The following MIER3 variants were observed in gnomAD, a reference collection of about 807,000 sequenced individuals.
MIER3 encodes MIER family member 3.
MIER3 carries 9 observed loss-of-function variants against 63.2 expected under a neutral mutation model. That is an observed-to-expected ratio of 0.14 (90% confidence interval 0.09 to 0.25). MIER3 has a LOEUF of 0.25. MIER3 is among the 10% of genes least tolerant of loss of function. MIER3 has a pLI of 1.00. For missense variants in MIER3, 512 were observed against 666.2 expected, an observed-to-expected ratio of 0.77 and a Z score of 2.55; for synonymous variants, 205 against 224.9, an observed-to-expected ratio of 0.91 and a Z score of 0.79.
At chr5:56,929,636 T>C (rs1750186562) in intron 9 of MIER3, 2 of 152,298 alleles carry the variant, frequency 1.3e-5, no homozygotes, top group South Asian at 4.1e-4. Context: ...AACACATATT[T>C]ATTTGAAATT....
In MIER3 at chr5:56,933,151, A is replaced by G. The variant is rs112879366; in HGVS notation, c.747+96T>C. ...TATTTTAAAACTCTTATCAGAAAAG[A>G]TATCTACCTCACATGTTAAAAATAT... On this transcript the variant is annotated intron_variant, in intron 8 of 12. Coordinates refer to ENST00000381199, the MANE Select transcript of MIER3 (RefSeq NM_001297599.2). 2.3e-3 allele frequency: 2,979 copies of G among 1,285,598 alleles called. 53 individuals carry two copies. In the African/African-American group the frequency reaches 0.037, roughly 16 times the overall value. 79.6% of individuals were successfully genotyped at this position (1,285,598 alleles called of 1,614,324 possible). A position where few individuals can be genotyped will look rare whatever the true frequency, so the allele number is the denominator to read the frequency against.
intron 3 of MIER3, among the ~76,000 whole-genome samples, chr5:56,943,891 T>C (rs1186281907): frequency 6.6e-6 from 1 of 152,182 alleles, no homozygotes; most frequent in Non-Finnish European, 1.5e-5. Flanking sequence ...GTTGAACCTA[T>C]TTACATTTTA....
intron 3 of MIER3, chr5:56,940,988 G>C: frequency 1.0e-6 from 1 of 985,390 alleles, no homozygotes; most frequent in Non-Finnish European, 1.2e-6. Flanking sequence ...ATGGGGAGTG[G>C]CAATTTTCAC....
chr5:56,922,148 C>T lies in MIER3; in HGVS notation c.*980G>A, dbSNP rs910378160. 6.6e-6 allele frequency: 1 copy of T among 152,636 alleles called. No homozygotes were observed. Among genetic ancestry groups the T allele is most frequent in the Non-Finnish European group, 1.5e-5 (1 of 68,050 alleles). The allele number at this position is 152,636 out of a possible 1,614,324, so 9.5% of individuals were successfully genotyped here. ...CTCTAAATATTAACACTTTGAACTG[C>T]AGTGCTACAAACAACTTAAAAGATG... On this transcript the variant is annotated 3_prime_UTR_variant, in exon 13 of 13. Transcript: ENST00000381199.
In MIER3 at chr5:56,922,708, G is replaced by C. The variant is rs1749730117; in HGVS notation, c.*420C>G. On this transcript the variant is annotated 3_prime_UTR_variant, in exon 13 of 13. Transcript: ENST00000381199. Reference sequence around the variant, plus strand: ...TTCCACTGCATCCATTACGGCAAAAGGAATTTACACAAAAACAGGCCACAC... The same window carrying C: ...TTCCACTGCATCCATTACGGCAAAACGAATTTACACAAAAACAGGCCACAC... 1 of 172,570 alleles carries C rather than the reference G, an allele frequency of 5.8e-6. No individual in the cohort carries two copies. The highest frequency in any genetic ancestry group is 1.4e-4 in the South Asian group (1 of 7,012). 10.7% of individuals were successfully genotyped at this position (172,570 alleles called of 1,614,324 possible). A position where few individuals can be genotyped will look rare whatever the true frequency, so the allele number is the denominator to read the frequency against.
intron 5 of MIER3, 31 bp downstream of exon 5, chr5:56,937,547 C>T (rs778678615): frequency 6.3e-7 from 1 of 1,582,462 alleles, no homozygotes; most frequent in South Asian, 1.2e-5. Flanking sequence ...ATCAATGTTA[C>T]TATTTATCAG....
At chr5:56,930,326 G>C (rs1750214941) in intron 9 of MIER3, among the ~76,000 whole-genome samples, 1 of 148,966 alleles carries the variant, frequency 6.7e-6, no homozygotes, top group Non-Finnish European at 1.5e-5. Flanking sequence ...TTCCTGTCTG[G>C]CTGAAAAAAA....
At chr5:56,933,150 G>T in intron 8 of MIER3, 97 bp downstream of exon 8, 1 of 1,280,924 alleles carries the variant, frequency 7.8e-7, no homozygotes, top group African/African-American at 1.5e-5. Flanking sequence ...TATCAGAAAA[G>T]ATATCTACCT....
chr5:56,939,877 T>C (rs1466176634), intron 3 of MIER3, among the ~76,000 whole-genome samples: 12 of 152,242 alleles, frequency 7.9e-5, no homozygotes, highest in Non-Finnish European at 1.6e-4. Context: ...CTACACCATA[T>C]AGCCTAGGTG....
chr5:56,928,873 T>A lies in MIER3; in HGVS notation c.830-12A>T. The A allele has an allele frequency of 6.2e-7, 1 of 1,607,304 alleles. No individual in the cohort carries two copies. The highest frequency in any genetic ancestry group is 8.5e-7 in the Non-Finnish European group (1 of 1,176,822). ...TGCAGTCATTCCTTCTAAGAAAAAT[T>A]TTAAAATAAAATTTATGGGCCCCCA... On this transcript the variant is annotated splice_polypyrimidine_tract_variant and intron_variant, in intron 9 of 12. Coordinates refer to ENST00000381199, the MANE Select transcript of MIER3 (RefSeq NM_001297599.2).
Position 56,937,684 on chromosome 5 carries a change from T to C in MIER3, c.330A>G (p.Lys110=). Residue 110 remains lysine, a synonymous_variant, in exon 5 of 13, where the codon AAA becomes AAG. Coordinates refer to ENST00000381199, the MANE Select transcript of MIER3 (RefSeq NM_001297599.2). The part of the protein sequence containing the change: ...DMTLDKEEIA[K]DLLSGDDEET... ...CCTCGTCATCACCTGACAACAGGTC[T>C]TTTGCTATTTCCTCCTGGAAGAATA... 6.2e-7 allele frequency: 1 copy of C among 1,607,178 alleles called. No homozygotes were observed. The highest frequency in any genetic ancestry group is 8.5e-7 in the Non-Finnish European group (1 of 1,176,426).
chr5:56,928,604 G>A, intron 10 of MIER3, 163 bp downstream of exon 10: 1 of 512,576 alleles, frequency 2.0e-6, no homozygotes, highest in South Asian at 3.4e-5. Context: ...TCCATAAGCA[G>A]GCTGTGGCAT....
chr5:56,920,778 A>C lies in MIER3; in HGVS notation c.*2350T>G, dbSNP rs1327521593. Reference sequence around the variant, plus strand: ...GGCAGAAGTAGTCAGAAAATATTGAATTAGATCTAAAAAGATATGAAGAAT... The same window carrying C: ...GGCAGAAGTAGTCAGAAAATATTGACTTAGATCTAAAAAGATATGAAGAAT... On this transcript the variant is annotated 3_prime_UTR_variant, in exon 13 of 13. Coordinates refer to ENST00000381199, the MANE Select transcript of MIER3 (RefSeq NM_001297599.2). 1 of 152,350 alleles carries C rather than the reference A, an allele frequency of 6.6e-6. No individual in the cohort carries two copies. The highest frequency in any genetic ancestry group is 1.5e-5 in the Non-Finnish European group (1 of 67,956). The allele number at this position is 152,350 out of a possible 1,614,324, so 9.4% of individuals were successfully genotyped here.
chr5:56,946,715 A>T (rs1296463306), intron 3 of MIER3, among the ~76,000 whole-genome samples: 2 of 152,030 alleles, frequency 1.3e-5, no homozygotes, highest in Non-Finnish European at 1.5e-5. Context: ...TACCTACTTC[A>T]CTGTGTTGAT....
At chr5:56,924,289 T>C (rs902475788) in intron 10 of MIER3, among the ~76,000 whole-genome samples, 4 of 152,154 alleles carry the variant, frequency 2.6e-5, no homozygotes, top group Non-Finnish European at 1.5e-5. Context: ...TATTAGTTTA[T>C]AAAACAAGTG....
At chr5:56,947,209 A>G in intron 2 of MIER3, 138 bp from the exon 3 acceptor site, 1 of 854,376 alleles carries the variant, frequency 1.2e-6, no homozygotes, top group African/African-American at 1.8e-5. Flanking sequence ...TATAATTTAT[A>G]GGTTATAAAT....
chr5:56,922,586 A>G lies in MIER3; in HGVS notation c.*542T>C, dbSNP rs1214500875. The G allele has an allele frequency of 6.5e-6, 1 of 153,964 alleles. No homozygotes were observed. The highest frequency in any genetic ancestry group is 1.5e-5 in the Non-Finnish European group (1 of 68,948). The allele number at this position is 153,964 out of a possible 1,614,324, so 9.5% of individuals were successfully genotyped here. Reference sequence around the variant, plus strand: ...TTAAAAAATCCTTGCATGTTTGTGCAGTTTAAAGAAACCTACCCCTGCTTT... The same window carrying G: ...TTAAAAAATCCTTGCATGTTTGTGCGGTTTAAAGAAACCTACCCCTGCTTT... On this transcript the variant is annotated 3_prime_UTR_variant, in exon 13 of 13. Coordinates refer to ENST00000381199, the MANE Select transcript of MIER3 (RefSeq NM_001297599.2).
chr5:56,952,105 T>C lies in MIER3; in HGVS notation c.-3A>G. The stretch of plus-strand genomic sequence containing the variant: ...GTTTCCCTGCTCACCTCCGCCATAT[T>C]GGTACCTTTAGGGCGAACGAGCAGC... On this transcript the variant is annotated 5_prime_UTR_variant, in exon 1 of 13. Coordinates refer to ENST00000381199, the MANE Select transcript of MIER3 (RefSeq NM_001297599.2). 1 of 1,302,718 alleles carries C rather than the reference T, an allele frequency of 7.7e-7. No homozygotes were observed. The highest frequency in any genetic ancestry group is 9.9e-7 in the Non-Finnish European group (1 of 1,007,404). 80.7% of individuals were successfully genotyped at this position (1,302,718 alleles called of 1,614,324 possible). A position where few individuals can be genotyped will look rare whatever the true frequency, so the allele number is the denominator to read the frequency against.
chr5:56,940,542 C>G (rs909782681), intron 3 of MIER3, among the ~76,000 whole-genome samples: 1 of 152,226 alleles, frequency 6.6e-6, no homozygotes, highest in Non-Finnish European at 1.5e-5. Flanking sequence ...CAGATTTATG[C>G]TCAATGAACT....
Sources: gnomAD v4.1 joint callset for allele counts (sites outside exome capture counted in the v4.1 genomes callset) on GRCh38, gnomAD v4.1.1 for gene constraint, MANE v1.5 for transcripts, NCBI Gene and HGNC (gene_info 2026-07-23, HGNC 2026-07-21) for gene names.